MRPL19: variants seen among roughly 807,000 people sequenced by gnomAD.
MRPL19 encodes the protein large ribosomal subunit protein bL19m.
In MRPL19, 31 loss-of-function variants were observed where a neutral mutation model predicts 34.0. The observed-to-expected ratio is 0.91, with a 90% CI of 0.68 to 1.23. MRPL19 has a LOEUF of 1.23. MRPL19 is among the 50% of genes most tolerant of loss of function. MRPL19 has a pLI of 0.00. For missense variants in MRPL19, 384 were observed against 367.6 expected (o/e 1.04, Z -0.37); for synonymous variants, 152 against 127.7 (o/e 1.19, Z -1.28).
At chr2:75,648,135 A>C (rs867051508) in intron 2 of MRPL19, among the ~76,000 whole-genome samples, 1 of 152,292 alleles carries the variant, frequency 6.6e-6, no homozygotes, top group Middle Eastern at 3.4e-3. Flanking sequence ...GATTCAGAAA[A>C]TATTTCTTCA....
rs1011965078 is a variant in MRPL19, at chr2:75,661,309, C to G, written c.*6024C>G. 3 of 152,114 alleles carry G rather than the reference C, an allele frequency of 2.0e-5. No homozygotes were observed. The highest frequency in any genetic ancestry group is 7.2e-5 in the African/African-American group (3 of 41,406). 9.4% of individuals were successfully genotyped at this position (152,114 alleles called of 1,614,324 possible). On this transcript the variant is annotated 3_prime_UTR_variant, in exon 6 of 6. Coordinates refer to ENST00000393909, the MANE Select transcript of MRPL19 (RefSeq NM_014763.4). Reference sequence around the variant, plus strand: ...AGAGTTCTGATAAAATTGGCTATGCCTGTTCCTGCTTTAAAAAATATATAT... The same window carrying G: ...AGAGTTCTGATAAAATTGGCTATGCGTGTTCCTGCTTTAAAAAATATATAT...
chr2:75,649,419 T>C (rs1678284605), intron 2 of MRPL19, among the ~76,000 whole-genome samples: 1 of 152,118 alleles, frequency 6.6e-6, no homozygotes, highest in Non-Finnish European at 1.5e-5. Context: ...TTTGTGCCTT[T>C]TTTTTTTAAG....
At chr2:75,647,318 C>G in intron 2 of MRPL19, 99 bp downstream of exon 2, 3 of 1,091,654 alleles carry the variant, frequency 2.7e-6, no homozygotes, top group Non-Finnish European at 3.9e-6. Flanking sequence ...GGCTGCACCT[C>G]CCCCTGCACG....
intron 2 of MRPL19, among the ~76,000 whole-genome samples, chr2:75,648,346 G>C (rs1328858953): frequency 1.3e-5 from 2 of 152,092 alleles, no homozygotes; most frequent in Non-Finnish European, 2.9e-5. Flanking sequence ...AGACAAGCAC[G>C]AGAATGAATG....
rs1420610360 is a variant in MRPL19, at chr2:75,659,591, T to C, written c.*4306T>C. On this transcript the variant is annotated 3_prime_UTR_variant, in exon 6 of 6. Coordinates refer to ENST00000393909, the MANE Select transcript of MRPL19 (RefSeq NM_014763.4). ...ATAAACTCCCTCAGCTTTTGTTTTA[T>C]CTGAGAATGTCTTGATTTCTCCCTT... Among the ~76,000 whole-genome samples the C allele has an allele frequency of 2.0e-5, 3 of 152,218 alleles. No individual in the cohort carries two copies. Among genetic ancestry groups the C allele is most frequent in the Admixed American group, 2.0e-4 (3 of 15,274 alleles).
In MRPL19 at chr2:75,658,138, G is replaced by A. The variant is rs1166576969; in HGVS notation, c.*2853G>A. On this transcript the variant is annotated 3_prime_UTR_variant, in exon 6 of 6. Transcript: ENST00000393909. ...CACTCAGGTAGGAGTGCAGTGGTGT[G>A]ATCATAGCTCATTGCAGCCTCAAAA... Among the ~76,000 whole-genome samples the A allele has an allele frequency of 3.3e-5, 5 of 152,166 alleles. No homozygotes were observed. The East Asian group carries it at 9.6e-4, about 29-fold the overall frequency.
chr2:75,660,420 C>CT lies in MRPL19; in HGVS notation c.*5140dup, dbSNP rs886291025. ...ACTTTCCTGTGTCTTTGTATGCTGT[C>CT]TTTTTGTTGTTGAAAACTGTATGTT... On this transcript the variant is annotated 3_prime_UTR_variant, in exon 6 of 6. Transcript: ENST00000393909. The CT allele has an allele frequency of 6.6e-6, 1 of 152,074 alleles. No individual in the cohort carries two copies. Among genetic ancestry groups the CT allele is most frequent in the Non-Finnish European group, 1.5e-5 (1 of 68,008 alleles). The allele number at this position is 152,074 out of a possible 1,614,324, so 9.4% of individuals were successfully genotyped here. A position where few individuals can be genotyped will look rare whatever the true frequency, so the allele number is the denominator to read the frequency against.
chr2:75,647,304 T>TG, intron 2 of MRPL19, 85 bp downstream of exon 2: 1 of 1,312,212 alleles, frequency 7.6e-7, no homozygotes, highest in African/African-American at 1.5e-5. Flanking sequence ...GGCTCTAAGG[T>TG]GGGGGCTGCA....
chr2:75,651,283 G>A (rs1350087302), intron 2 of MRPL19: 6 of 509,056 alleles, frequency 1.2e-5, no homozygotes, highest in Non-Finnish European at 2.4e-5. Flanking sequence ...GACACGATGT[G>A]CTGCAGCTGT....
intron 4 of MRPL19, 32 bp downstream of exon 4, chr2:75,652,689 G>A (rs761519062): frequency 8.1e-6 from 13 of 1,596,478 alleles, no homozygotes; most frequent in Non-Finnish European, 1.0e-5. Context: ...TCATTGTCTA[G>A]AAAATGTTAT....
At position 75,660,323 on chromosome 2, in the gene MRPL19, T is replaced by G. The variant is rs1389897377; in HGVS notation, c.*5038T>G. 6.6e-6 allele frequency: 1 copy of G among 152,224 alleles called. No individual in the cohort carries two copies. Among genetic ancestry groups the G allele is most frequent in the African/African-American group, 2.4e-5 (1 of 41,464 alleles). The allele number at this position is 152,224 out of a possible 1,614,324, so 9.4% of individuals were successfully genotyped here. ...GCTTATTTAAGACAATTGTTTAAAG[T>G]CTTTGCATAGTAAGTCCAATGTCTG... On this transcript the variant is annotated 3_prime_UTR_variant, in exon 6 of 6. Transcript: ENST00000393909.
Position 75,658,083 on chromosome 2 carries a change from TTTTATC to T in MRPL19, c.*2802_*2807del. Among the ~76,000 whole-genome samples the T allele has an allele frequency of 6.6e-6, 1 of 151,956 alleles. No individual in the cohort carries two copies. Among genetic ancestry groups the T allele is most frequent in the Non-Finnish European group, 1.5e-5 (1 of 67,986 alleles). On this transcript the variant is annotated 3_prime_UTR_variant, in exon 6 of 6. Transcript: ENST00000393909. ...ACCCCAGGTAACCTCAAATCTTTCT[TTTTATC>T]TTTGAGACAAGGTCTCATTCTATCA...
At chr2:75,647,336 GTGTA>G in intron 2 of MRPL19, 117 bp downstream of exon 2, 1 of 940,102 alleles carries the variant, frequency 1.1e-6, no homozygotes, top group Non-Finnish European at 1.6e-6. Context: ...ACGAGCAGGT[GTGTA>G]GGATTCAAGA....
At position 75,660,502 on chromosome 2, in the gene MRPL19, AGTTTT is replaced by A. The variant is rs1339949812; in HGVS notation, c.*5218_*5222del. The A allele has an allele frequency of 6.6e-6, 1 of 152,080 alleles. No homozygotes were observed. Among genetic ancestry groups the A allele is most frequent in the Non-Finnish European group, 1.5e-5 (1 of 67,996 alleles). 9.4% of individuals were successfully genotyped at this position (152,080 alleles called of 1,614,324 possible). A position where few individuals can be genotyped will look rare whatever the true frequency, so the allele number is the denominator to read the frequency against. On this transcript the variant is annotated 3_prime_UTR_variant, in exon 6 of 6. Coordinates refer to ENST00000393909, the MANE Select transcript of MRPL19 (RefSeq NM_014763.4). The stretch of plus-strand genomic sequence containing the variant: ...AGATATTCCCCCCTTCCTGAGAGTT[AGTTTT>A]ATTTTTATTATTGAAGATTGTAGCA...
intron 2 of MRPL19, chr2:75,647,435 C>A: frequency 1.9e-6 from 1 of 534,112 alleles, no homozygotes; most frequent in Non-Finnish European, 3.3e-6. Context: ...GTCAGAACTT[C>A]AAGTAGGGGT....
intron 2 of MRPL19, chr2:75,651,340 A>G (rs1678328990): frequency 1.9e-6 from 1 of 529,870 alleles, no homozygotes; most frequent in Non-Finnish European, 3.9e-6. Context: ...CTCCTACACG[A>G]TTCCTTGGGG....
In MRPL19 at chr2:75,652,592, G is replaced by A. The variant is rs1202177192; in HGVS notation, c.410G>A (p.Cys137Tyr). The stretch of plus-strand genomic sequence containing the variant: ...AAAATCAGCCAGTTTCTGGGGATTT[G>A]CATTCAGAGATCAGGAAGAGGACTT... ...SGKISQFLGI[C>Y]IQRSGRGLGA... Residue 137 changes from cysteine (C) to tyrosine (Y), a missense_variant, in exon 4 of 6, where the codon TGC becomes TAC. Cys to Tyr is a radical substitution (Grantham distance 194). Transcript: ENST00000393909. 1 of 1,613,760 alleles carries A rather than the reference G, an allele frequency of 6.2e-7. No individual in the cohort carries two copies. Among genetic ancestry groups the A allele is most frequent in the Non-Finnish European group, 8.5e-7 (1 of 1,179,702 alleles).
At chr2:75,652,425 T>C (rs1429861369) in intron 3 of MRPL19, 98 bp from the exon 4 acceptor site, 1 of 1,445,190 alleles carries the variant, frequency 6.9e-7, no homozygotes. Flanking sequence ...AGTTAAGTTA[T>C]CTAGAAATGC....
chr2:75,647,399 A>T lies in MRPL19; in HGVS notation c.221+180A>T, dbSNP rs569218765. ...CTTTCTCACTTCTCCCCAAGCCAGC[A>T]TTGAACTTCTTTGCAGTTTTATTGA... On this transcript the variant is annotated intron_variant, in intron 2 of 5. Transcript: ENST00000393909. The T allele has an allele frequency of 1.0e-4, 62 of 600,830 alleles. No homozygotes were observed. In the African/African-American group the frequency reaches 1.1e-3, roughly 11 times the overall value. 37.2% of individuals were successfully genotyped at this position (600,830 alleles called of 1,614,324 possible).
Sources: gnomAD v4.1 joint callset for allele counts (sites outside exome capture counted in the v4.1 genomes callset) on GRCh38, gnomAD v4.1.1 for gene constraint, MANE v1.5 for transcripts, NCBI Gene and HGNC (gene_info 2026-07-23, HGNC 2026-07-21) for gene names.